EYS: variants seen among roughly 807,000 people sequenced by gnomAD.
EYS encodes protein eyes shut homolog.
EYS carries 250 observed loss-of-function variants against 282.1 expected under a neutral mutation model. That is an observed-to-expected ratio of 0.89 (90% CI 0.80 to 0.98). The LOEUF is 0.98. Ranked by LOEUF, EYS falls within the 50% of genes least tolerant of loss-of-function variation. EYS has a pLI of 0.00. For synonymous variants in EYS, 1,355 were observed against 1,282.9 expected (o/e 1.06, Z -1.20); for missense variants, 4,016 against 3,709.0 (o/e 1.08, Z -2.15).
rs141940650 is a variant in EYS, at chr6:63,991,216, C to T, written c.6835-6613G>A. 3.8e-3 allele frequency among the ~76,000 whole-genome samples: 581 copies of T among 151,734 alleles called. 2 individuals carry two copies. The highest frequency in any genetic ancestry group is 0.036 in the East Asian group (182 of 5,114). On this transcript the variant is annotated intron_variant, in intron 34 of 42. Coordinates refer to ENST00000503581, the MANE Select transcript of EYS (RefSeq NM_001142800.2). ...CATCCATAGGAAACACTGGAGAGGA[C>T]CTCAGACTGACTGTTAAAGGTCTTT...
intron 28 of EYS, among the ~76,000 whole-genome samples, chr6:64,415,392 T>A (rs901923408): frequency 1.3e-5 from 2 of 152,184 alleles, no homozygotes; most frequent in African/African-American, 4.8e-5. Flanking sequence ...AATAAATGTT[T>A]TATTCAAACT....
At chr6:64,224,307 ATCT>A (rs1042199523) in intron 31 of EYS, among the ~76,000 whole-genome samples, 3 of 151,952 alleles carry the variant, frequency 2.0e-5, no homozygotes, top group African/African-American at 7.2e-5. Context: ...TCCCCATCTC[ATCT>A]TCTTCCCCAC....
intron 31 of EYS, among the ~76,000 whole-genome samples, chr6:64,109,914 G>C (rs919154447): frequency 6.6e-6 from 1 of 152,062 alleles, no homozygotes; most frequent in South Asian, 2.1e-4. Context: ...ATAAGGGAAA[G>C]TTTGAAAGTT....
chr6:64,862,269 T>C (rs923773030), intron 19 of EYS, among the ~76,000 whole-genome samples: 1 of 152,214 alleles, frequency 6.6e-6, no homozygotes, highest in African/African-American at 2.4e-5. Context: ...TCTGCTTCTG[T>C]TCAGCTGCAA....
chr6:64,857,243 T>C (rs1766091844), intron 19 of EYS, among the ~76,000 whole-genome samples: 1 of 152,170 alleles, frequency 6.6e-6, no homozygotes, highest in Non-Finnish European at 1.5e-5. Context: ...TCCCTATAGG[T>C]ACTGTTTTCA....
chr6:64,723,895 A>G (rs1046143605), intron 22 of EYS, among the ~76,000 whole-genome samples: 1 of 152,140 alleles, frequency 6.6e-6, no homozygotes, highest in Admixed American at 6.5e-5. Context: ...CCTAGTGGTC[A>G]GCAGTCTTGG....
chr6:65,378,280 A>G (rs1163412441), intron 8 of EYS, among the ~76,000 whole-genome samples: 1 of 152,216 alleles, frequency 6.6e-6, no homozygotes, highest in Admixed American at 6.5e-5. Flanking sequence ...AAACATATGA[A>G]AAAAAGCTCA....
intron 28 of EYS, 58 bp from the exon 29 acceptor site, chr6:64,388,898 C>T: frequency 9.3e-7 from 1 of 1,075,286 alleles, no homozygotes; most frequent in Non-Finnish European, 1.3e-6. Context: ...ATTTATCTGA[C>T]AAATTAATTA....
chr6:65,027,981 C>T (rs988472714), intron 13 of EYS, among the ~76,000 whole-genome samples: 3 of 151,908 alleles, frequency 2.0e-5, no homozygotes, highest in East Asian at 1.9e-4. Flanking sequence ...ATTATTATGC[C>T]GGATTTCTTT....
rs913666310 is a variant in EYS, at chr6:65,183,156, A to C, written c.2023+112707T>G. Among the ~76,000 whole-genome samples, 3 of 151,942 alleles carry C rather than the reference A, an allele frequency of 2.0e-5. No homozygotes were observed. In the East Asian group the frequency reaches 5.8e-4, roughly 30 times the overall value. On this transcript the variant is annotated intron_variant, in intron 12 of 42. Transcript: ENST00000503581. ...TTCAACTTTTAAAATTTAATTTTTA[A>C]ATGTTGAGAAATAAAGGACAGTATT...
intron 12 of EYS, among the ~76,000 whole-genome samples, chr6:65,214,108 G>A (rs1766248538): frequency 1.5e-5 from 2 of 132,124 alleles, no homozygotes; most frequent in Admixed American, 8.9e-5. Flanking sequence ...GCAGTGAGCC[G>A]AGATTGCGCC....
intron 33 of EYS, among the ~76,000 whole-genome samples, chr6:64,038,891 G>A (rs1484802262): frequency 6.6e-6 from 1 of 151,314 alleles, no homozygotes; most frequent in Non-Finnish European, 1.5e-5. Flanking sequence ...TGCAACCTCC[G>A]CCTCCTAGGT....
At chr6:65,091,852 G>A (rs150012862) in intron 12 of EYS, among the ~76,000 whole-genome samples, 5,396 of 152,016 alleles carry the variant, frequency 0.035, 129 homozygotes, top group Non-Finnish European at 0.054. Context: ...AGCCACTGTT[G>A]TCTGTGAAAA....
chr6:64,885,693 T>C (rs1026396538), intron 19 of EYS, among the ~76,000 whole-genome samples: 6 of 151,844 alleles, frequency 4.0e-5, no homozygotes, highest in African/African-American at 7.2e-5. Flanking sequence ...CTGATAGTTT[T>C]TGTGTATATG....
intron 37 of EYS, among the ~76,000 whole-genome samples, chr6:63,790,189 T>A (rs1350793293): frequency 6.6e-6 from 1 of 152,214 alleles, no homozygotes; most frequent in African/African-American, 2.4e-5. Flanking sequence ...AAATTTATTA[T>A]GAGTATGCAC....
chr6:65,598,197 G>A (rs892949784), intron 2 of EYS, among the ~76,000 whole-genome samples: 2 of 145,234 alleles, frequency 1.4e-5, no homozygotes, highest in African/African-American at 5.1e-5. Context: ...CAGGGTGGTA[G>A]TAATAGATTT....
At chr6:65,204,085 C>A (rs1056561521) in intron 12 of EYS, among the ~76,000 whole-genome samples, 1 of 151,924 alleles carries the variant, frequency 6.6e-6, no homozygotes, top group African/African-American at 2.4e-5. Context: ...ACCAAATCTA[C>A]GGCTTATAGG....
intron 31 of EYS, among the ~76,000 whole-genome samples, chr6:64,102,021 G>A (rs1419528612): frequency 6.6e-6 from 1 of 151,986 alleles, no homozygotes; most frequent in East Asian, 1.9e-4. Context: ...GAGTGATGGG[G>A]AGTGGCTGTA....
chr6:64,972,344 C>T lies in EYS; in HGVS notation c.2259+25238G>A, dbSNP rs528895717. On this transcript the variant is annotated intron_variant, in intron 14 of 42. Transcript: ENST00000503581. Reference sequence around the variant, plus strand: ...AGGATTGGTACTGTACAGAAACATTCCTATAGAAATGAAAAAGAAAACAGT... The same window carrying T: ...AGGATTGGTACTGTACAGAAACATTTCTATAGAAATGAAAAAGAAAACAGT... 1.4e-3 allele frequency among the ~76,000 whole-genome samples: 206 copies of T among 152,100 alleles called. 1 individual carries two copies. In the Middle Eastern group the frequency reaches 0.017, roughly 13 times the overall value.
Sources: allele counts gnomAD v4.1 joint callset (sites outside exome capture counted in the v4.1 genomes callset), GRCh38; gene constraint gnomAD v4.1.1; transcripts MANE v1.5; gene names NCBI Gene and HGNC (gene_info 2026-07-23, HGNC 2026-07-21).